GRK7: variants seen among roughly 807,000 people sequenced by gnomAD.
GRK7 encodes G protein-coupled receptor kinase 7.
A neutral mutation model predicts 34.1 loss-of-function variants in GRK7; 24 were observed. That is an observed-to-expected ratio of 0.70 (90% CI 0.51 to 0.99). The LOEUF is 0.99. Among genes scored for constraint, GRK7 ranks in the 50% least tolerant of loss-of-function variants. The pLI, the probability that GRK7 is intolerant of heterozygous loss-of-function variation, is 0.00. For missense variants in GRK7, 644 were observed against 707.3 expected (o/e 0.91, Z 1.02); for synonymous variants, 256 against 279.4 (o/e 0.92, Z 0.84).
chr3:141,778,236 C>T lies in GRK7; in HGVS notation c.-49C>T. 5.3e-6 allele frequency: 8 copies of T among 1,515,934 alleles called. No homozygotes were observed. Among genetic ancestry groups the T allele is most frequent in the Non-Finnish European group, 7.1e-6 (8 of 1,133,208 alleles). 93.9% of individuals were successfully genotyped at this position (1,515,934 alleles called of 1,614,324 possible). ...CCCGGGAAGGGAAAGCAGCCAGCAG[C>T]CCTCCAGCCCTCTTGTGCTTTCCCT... is the stretch of plus-strand genomic sequence containing the variant. On this transcript the variant is annotated 5_prime_UTR_variant, in exon 3 of 6. Coordinates refer to ENST00000682958, the MANE Select transcript of GRK7 (RefSeq NM_139209.3). This position sits in a 1 kb window ranked among gnomAD's most constrained non-coding sequence, Gnocchi z 4.1.
chr3:141,807,659 T>C lies in GRK7; in HGVS notation c.1065T>C (p.Gly355=). Residue 355 remains glycine (G), a synonymous_variant, in exon 5 of 6, where the codon GGT becomes GGC. Transcript: ENST00000682958. Reference sequence around the variant, plus strand: ...GGATGTTACAGGCTGGAACCAATGGTTACATGGCTCCTGAGATCCTAATGG... The same window carrying C: ...GGATGTTACAGGCTGGAACCAATGGCTACATGGCTCCTGAGATCCTAATGG... ...KPITQRAGTN[G]YMAPEILMEK... 1 of 1,614,026 alleles carries C rather than the reference T, an allele frequency of 6.2e-7. No individual in the cohort carries two copies. The highest frequency in any genetic ancestry group is 8.5e-7 in the Non-Finnish European group (1 of 1,179,882).
chr3:141,766,707 A>T (rs1474668609), intron 1 of GRK7, among the ~76,000 whole-genome samples: 2 of 152,214 alleles, frequency 1.3e-5, no homozygotes, highest in African/African-American at 4.8e-5. Flanking sequence ...TATTCGCCAC[A>T]TATCAAATCT....
At chr3:141,788,956 G>T (rs1297327411) in intron 4 of GRK7, among the ~76,000 whole-genome samples, 1 of 151,990 alleles carries the variant, frequency 6.6e-6, no homozygotes, top group East Asian at 1.9e-4. Context: ...CCTGGCTGAG[G>T]TTCAAGCGCC....
At chr3:141,781,832 A>G (rs2084673907) in intron 4 of GRK7, among the ~76,000 whole-genome samples, 1 of 152,210 alleles carries the variant, frequency 6.6e-6, no homozygotes, top group South Asian at 2.1e-4. Context: ...ACGACGGAAA[A>G]TCTCTGGAAT....
rs2084574078 is a variant in GRK7, at chr3:141,765,064, TC to T, written c.-887del. On this transcript the variant is annotated 5_prime_UTR_variant, in exon 1 of 6. Coordinates refer to ENST00000682958, the MANE Select transcript of GRK7 (RefSeq NM_139209.3). ...AATGTCCATCTGATTGTTGAAAACT[TC>T]CAGTGGCTTTCCATCTCACTCAGAA... 1.3e-5 allele frequency among the ~76,000 whole-genome samples: 2 copies of T among 152,226 alleles called. No individual in the cohort carries two copies. Among genetic ancestry groups the T allele is most frequent in the African/African-American group, 4.8e-5 (2 of 41,446 alleles).
chr3:141,765,379 G>A lies in GRK7; in HGVS notation c.-574G>A, dbSNP rs920886190. Among the ~76,000 whole-genome samples the A allele has an allele frequency of 3.3e-5, 5 of 152,014 alleles. No individual in the cohort carries two copies. Among genetic ancestry groups the A allele is most frequent in the African/African-American group, 9.7e-5 (4 of 41,368 alleles). ...ATTTAAAAGTGAAGCCTTCTCCCTG[G>A]TGTATCTCAGCACTTCCCTTCTCCT... On this transcript the variant is annotated 5_prime_UTR_variant, in exon 1 of 6. The change creates a new upstream start codon in the 5' untranslated region. Transcript: ENST00000682958.
At chr3:141,792,937 G>T (rs1184605515) in intron 4 of GRK7, among the ~76,000 whole-genome samples, 2 of 152,024 alleles carry the variant, frequency 1.3e-5, no homozygotes, top group African/African-American at 2.4e-5. Context: ...AAAAGGGCAG[G>T]GTTCAGAGAG....
chr3:141,769,569 A>G (rs1276888754), intron 1 of GRK7, among the ~76,000 whole-genome samples: 1 of 152,246 alleles, frequency 6.6e-6, no homozygotes, highest in Non-Finnish European at 1.5e-5. Context: ...GGAGTTGGTC[A>G]TCATCCTGTT....
intron 1 of GRK7, among the ~76,000 whole-genome samples, chr3:141,767,414 T>C (rs1167680041): frequency 2.0e-5 from 3 of 151,988 alleles, no homozygotes; most frequent in Non-Finnish European, 4.4e-5. Context: ...TTTTTTTTTT[T>C]TGAGACAGGG....
At chr3:141,791,089 G>A (rs1482578661) in intron 4 of GRK7, among the ~76,000 whole-genome samples, 1 of 152,156 alleles carries the variant, frequency 6.6e-6, no homozygotes, top group Non-Finnish European at 1.5e-5. Flanking sequence ...TTGCTATTTT[G>A]TTAGGAATGG....
intron 4 of GRK7, among the ~76,000 whole-genome samples, chr3:141,789,687 C>T (rs185864610): frequency 7.5e-6 from 1 of 133,092 alleles, no homozygotes; most frequent in Admixed American, 7.2e-5. Context: ...ACAGTGGAGG[C>T]CCCTAATAAC....
chr3:141,798,268 G>A (rs193194089), intron 4 of GRK7, among the ~76,000 whole-genome samples: 114 of 152,352 alleles, frequency 7.5e-4, no homozygotes, highest in East Asian at 4.6e-3. Context: ...CGCTGCCCCT[G>A]AGGGGATGGG....
intron 4 of GRK7, among the ~76,000 whole-genome samples, chr3:141,783,278 C>A (rs1190938926): frequency 4.6e-5 from 7 of 152,170 alleles, no homozygotes; most frequent in Admixed American, 4.6e-4. Flanking sequence ...CTTGAAAATT[C>A]TTTGGTTAAA....
intron 4 of GRK7, among the ~76,000 whole-genome samples, chr3:141,790,564 CTT>C (rs10540138): frequency 0.1 from 14,264 of 141,166 alleles, 1,249 homozygotes; most frequent in African/African-American, 0.25. Flanking sequence ...TCTACATGCA[CTT>C]TTTTTTTTTT....
chr3:141,775,604 G>T (rs960497304), intron 2 of GRK7, among the ~76,000 whole-genome samples: 1 of 152,000 alleles, frequency 6.6e-6, no homozygotes, highest in Non-Finnish European at 1.5e-5. Context: ...TTTGAAATTT[G>T]CCTGGTTTGA....
At chr3:141,750,492 AT>A in the GRK7 span, among the ~76,000 whole-genome samples, 1 of 152,174 alleles carries the variant, frequency 6.6e-6, no homozygotes, top group Non-Finnish European at 1.5e-5. Context: ...ATGGTATAAC[AT>A]TGTTATCTAC....
At chr3:141,782,165 A>C (rs1372299965) in intron 4 of GRK7, among the ~76,000 whole-genome samples, 1 of 152,226 alleles carries the variant, frequency 6.6e-6, no homozygotes, top group Non-Finnish European at 1.5e-5. Flanking sequence ...TGTCTTAAAA[A>C]GACCAATGCG....
At chr3:141,757,427 G>C in the GRK7 span, among the ~76,000 whole-genome samples, 1 of 121,552 alleles carries the variant, frequency 8.2e-6, no homozygotes, top group Non-Finnish European at 1.7e-5. Flanking sequence ...TCTTGCGATA[G>C]TTTACTGAGA....
At chr3:141,806,582 TAC>T (rs1052025005) in intron 4 of GRK7, among the ~76,000 whole-genome samples, 1 of 151,562 alleles carries the variant, frequency 6.6e-6, no homozygotes, top group Non-Finnish European at 1.5e-5. Flanking sequence ...TATATATATA[TAC>T]ACACACACAT....
Sources: gnomAD v4.1 joint callset for allele counts (sites outside exome capture counted in the v4.1 genomes callset) on GRCh38, gnomAD v4.1.1 for gene constraint, Gnocchi (gnomAD v3.1) non-coding constraint, MANE v1.5 for transcripts, NCBI Gene and HGNC (gene_info 2026-07-23, HGNC 2026-07-21) for gene names.